The following WDPCP variants were observed in gnomAD, a reference collection of about 807,000 sequenced individuals.
WDPCP encodes the protein WD repeat-containing and planar cell polarity effector protein fritz homolog.
Under a neutral mutation model 93.1 loss-of-function variants are expected in WDPCP, and 71 were observed. That is an observed-to-expected ratio of 0.76 (90% CI 0.63 to 0.93). WDPCP has a LOEUF of 0.93. Among genes scored for constraint, WDPCP ranks in the 40% least tolerant of loss-of-function variants. The pLI, the probability that WDPCP is intolerant of heterozygous loss-of-function variation, is 0.00. For synonymous variants in WDPCP, 315 were observed against 315.0 expected (o/e 1.00, Z 0.00); for missense variants, 844 against 887.4 (o/e 0.95, Z 0.62).
chr2:63,273,814 C>T (rs1191119833), intron 13 of WDPCP, among the ~76,000 whole-genome samples: 1 of 143,740 alleles, frequency 7.0e-6, no homozygotes, highest in African/African-American at 2.5e-5. Context: ...CAGAAACACA[C>T]ACACACACAC....
chr2:63,809,024 C>T (rs1395730126), intron 2 of WDPCP, among the ~76,000 whole-genome samples: 1 of 151,990 alleles, frequency 6.6e-6, no homozygotes, highest in Non-Finnish European at 1.5e-5. Flanking sequence ...AGCACCTCTA[C>T]CCGGCCGGGA....
At chr2:63,624,939 G>A (rs2106634065) in intron 3 of WDPCP, among the ~76,000 whole-genome samples, 1 of 152,264 alleles carries the variant, frequency 6.6e-6, no homozygotes, top group South Asian at 2.1e-4. Context: ...AAACAATACT[G>A]GCAAACCAAA....
At chr2:63,231,961 T>C (rs529910737) in intron 14 of WDPCP, among the ~76,000 whole-genome samples, 89 of 152,288 alleles carry the variant, frequency 5.8e-4, no homozygotes, top group African/African-American at 2.1e-3. Context: ...CAAAACAGCA[T>C]GGTACTGGTA....
At chr2:63,190,210 T>G (rs989188671) in intron 14 of WDPCP, among the ~76,000 whole-genome samples, 2 of 151,962 alleles carry the variant, frequency 1.3e-5, no homozygotes, top group African/African-American at 2.4e-5. Flanking sequence ...GGCGGATTGC[T>G]TGAGCCAAGC....
chr2:63,152,539 TG>T (rs1671957199), intron 17 of WDPCP, among the ~76,000 whole-genome samples: 1 of 152,208 alleles, frequency 6.6e-6, no homozygotes, highest in African/African-American at 2.4e-5. Flanking sequence ...GCCAAAATGC[TG>T]GGATTACAGG....
intron 1 of WDPCP, among the ~76,000 whole-genome samples, chr2:63,510,655 G>A (rs1328838542): frequency 1.3e-5 from 2 of 152,166 alleles, no homozygotes; most frequent in Non-Finnish European, 2.9e-5. Flanking sequence ...TCTGTTTGCA[G>A]ATGACATGAT....
At chr2:63,478,071 C>T (rs1404963575) in intron 6 of WDPCP, 2 of 152,032 alleles carry the variant, frequency 1.3e-5, no homozygotes, top group Non-Finnish European at 2.9e-5. Context: ...GGAGTGCAGA[C>T]ACAGCACAGA....
intron 3 of WDPCP, among the ~76,000 whole-genome samples, chr2:63,619,835 T>C (rs1313067958): frequency 6.6e-6 from 1 of 152,104 alleles, no homozygotes; most frequent in Non-Finnish European, 1.5e-5. Flanking sequence ...CTCATCTCAT[T>C]GGGACTGGTT....
intron 9 of WDPCP, among the ~76,000 whole-genome samples, chr2:63,425,292 A>G (rs752469048): frequency 4.6e-5 from 7 of 152,260 alleles, no homozygotes; most frequent in Admixed American, 6.5e-5. Flanking sequence ...AAGGATCCGC[A>G]CAAGAACTTT....
intron 1 of WDPCP, among the ~76,000 whole-genome samples, chr2:63,562,203 G>A (rs1706679459): frequency 6.6e-6 from 1 of 152,184 alleles, no homozygotes; most frequent in South Asian, 2.1e-4. Flanking sequence ...AAAGGAACAA[G>A]ATCATGTCCT....
At chr2:63,313,690 T>G (rs1686363153) in intron 12 of WDPCP, among the ~76,000 whole-genome samples, 2 of 151,850 alleles carry the variant, frequency 1.3e-5, no homozygotes, top group Non-Finnish European at 2.9e-5. Context: ...AAGAGTGTCT[T>G]GTACTAGGAA....
intron 13 of WDPCP, among the ~76,000 whole-genome samples, chr2:63,266,336 G>T (rs1682113119): frequency 6.6e-6 from 1 of 152,048 alleles, no homozygotes; most frequent in Non-Finnish European, 1.5e-5. Context: ...CAGTAAAGTT[G>T]CAGGTTATAA....
At chr2:63,743,064 T>TACAGATGAGTAA (rs1205414436) in intron 2 of WDPCP, among the ~76,000 whole-genome samples, 1 of 152,086 alleles carries the variant, frequency 6.6e-6, no homozygotes, top group Non-Finnish European at 1.5e-5. Flanking sequence ...ATTTTCATGT[T>TACAGATGAGTAA]ACAGATGAGT....
rs547651814 is a variant in WDPCP at position 63,547,142 on chromosome 2, T to C, written c.75+41055A>G. Among the ~76,000 whole-genome samples the C allele has an allele frequency of 2.0e-5, 3 of 151,924 alleles. 1 individual carries two copies. Among genetic ancestry groups the C allele is most frequent in the African/African-American group, 7.2e-5 (3 of 41,464 alleles). ...AAGATATACAAATGACCAAGAAATA[T>C]ATTAAAAATGCTCAACATCACTAAT... is the stretch of plus-strand genomic sequence containing the variant. On this transcript the variant is annotated intron_variant, in intron 1 of 17. Coordinates refer to ENST00000272321, the MANE Select transcript of WDPCP (RefSeq NM_015910.7).
At chr2:63,571,329 C>T (rs1440204749) in intron 1 of WDPCP, 1 of 449,558 alleles carries the variant, frequency 2.2e-6, no homozygotes, top group Non-Finnish European at 4.4e-6. Flanking sequence ...TAAACTTAGT[C>T]ATTTTTTTAA....
At chr2:63,755,998 T>C (rs72889384) in intron 2 of WDPCP, among the ~76,000 whole-genome samples, 337 of 152,356 alleles carry the variant, frequency 2.2e-3, no homozygotes, top group African/African-American at 7.7e-3. Context: ...GATTAAATAT[T>C]GAACCAAAAG....
chr2:63,424,466 G>C (rs1032174447), intron 9 of WDPCP, among the ~76,000 whole-genome samples: 1 of 152,078 alleles, frequency 6.6e-6, no homozygotes, highest in Non-Finnish European at 1.5e-5. Flanking sequence ...GGCCCCGCTT[G>C]GCCACTCCTG....
intron 1 of WDPCP, among the ~76,000 whole-genome samples, chr2:63,548,585 C>CA (rs1705327667): frequency 6.6e-6 from 1 of 151,892 alleles, no homozygotes; most frequent in African/African-American, 2.4e-5. Context: ...TCAATTTGGA[C>CA]ATTAAAAAAT....
intron 15 of WDPCP, among the ~76,000 whole-genome samples, chr2:63,155,583 A>G (rs1190493557): frequency 6.6e-6 from 1 of 152,202 alleles, no homozygotes; most frequent in Non-Finnish European, 1.5e-5. Context: ...CAGTTCATAC[A>G]TATTTTAGTA....
Sources: gnomAD v4.1 joint callset for allele counts (sites outside exome capture counted in the v4.1 genomes callset) on GRCh38, gnomAD v4.1.1 for gene constraint, MANE v1.5 for transcripts, NCBI Gene and HGNC (gene_info 2026-07-23, HGNC 2026-07-21) for gene names.